PRR14L: variants seen among roughly 807,000 people sequenced by gnomAD.
PRR14L encodes the protein protein PRR14L.
A neutral mutation model predicts 155.0 loss-of-function variants in PRR14L; 80 were observed. The ratio of observed to expected loss-of-function variants is 0.52; its 90% CI spans 0.43 to 0.62. The LOEUF is 0.62. PRR14L is among the 20% of genes least tolerant of loss of function. The pLI is 0.00. For missense variants in PRR14L, 2,469 were observed against 2,548.0 expected, an observed-to-expected ratio of 0.97 and a Z score of 0.67; for synonymous variants, 883 against 916.0, an observed-to-expected ratio of 0.96 and a Z score of 0.65.
intron 4 of PRR14L, 114 bp downstream of exon 4, chr22:31,711,969 T>G (rs2074625518): frequency 1.0e-6 from 1 of 985,128 alleles, no homozygotes; most frequent in African/African-American, 1.6e-5. Context: ...AAATAGAAAA[T>G]GCAGACCCAA....
At chr22:31,719,611 T>C (rs115034531) in intron 3 of PRR14L, among the ~76,000 whole-genome samples, 2,270 of 152,236 alleles carry the variant, frequency 0.015, 57 homozygotes, top group African/African-American at 0.053. Flanking sequence ...TAAACAAATG[T>C]TATTAATACC....
Position 31,717,156 on chromosome 22 carries a change from C to T in PRR14L, c.683G>A (p.Cys228Tyr), listed in dbSNP as rs2074664934. 1 of 1,552,186 alleles carries T rather than the reference C, an allele frequency of 6.4e-7. No individual in the cohort carries two copies. The highest frequency in any genetic ancestry group is 1.4e-5 in the African/African-American group (1 of 73,044). The change falls in exon 4 of 9, where the codon TGC (cysteine) becomes TAC (tyrosine). Residue 228 changes from cysteine (C) to tyrosine (Y), a missense_variant. Cys to Tyr is a radical substitution (Grantham distance 194). Transcript: ENST00000327423. ...TTTGTCTACTTCTTGGAATTCACCG[C>T]ATCCAGCTGAGAGATCTTTACTCAC... ...GNVSKDLSAG[C>Y]GEFQEVDKIM...
Position 31,737,195 on chromosome 22 carries a change from G to T in PRR14L, c.474+1192C>A, listed in dbSNP as rs574464950. Among the ~76,000 whole-genome samples the T allele has an allele frequency of 2.6e-5, 4 of 152,124 alleles. No individual in the cohort carries two copies. In the East Asian group the frequency reaches 7.7e-4, roughly 29 times the overall value. On this transcript the variant is annotated intron_variant, in intron 2 of 8. Transcript: ENST00000327423. ...GTACATTCCTTTAAGAATTTGGAGG[G>T]CCCAGCAGGGTACGGTGGCTCACGC...
At chr22:31,688,375 C>T (rs2074493330) in intron 7 of PRR14L, 148 bp from the exon 8 acceptor site, 3 of 1,106,174 alleles carry the variant, frequency 2.7e-6, no homozygotes, top group Non-Finnish European at 2.4e-6. Context: ...CAGCCTCAGC[C>T]TCCTGAGTAG....
chr22:31,711,869 A>G (rs930983045), intron 4 of PRR14L, among the ~76,000 whole-genome samples: 1 of 152,048 alleles, frequency 6.6e-6, no homozygotes, highest in Non-Finnish European at 1.5e-5. Flanking sequence ...GAAATACAGA[A>G]GTAGGTTCTA....
intron 7 of PRR14L, among the ~76,000 whole-genome samples, chr22:31,699,943 A>C (rs930476982): frequency 6.6e-6 from 1 of 151,930 alleles, no homozygotes; most frequent in African/African-American, 2.4e-5. Context: ...TTAGGCAAAG[A>C]TTTATTAAAA....
chr22:31,733,146 C>T (rs1194250382), intron 2 of PRR14L, among the ~76,000 whole-genome samples: 6 of 151,882 alleles, frequency 4.0e-5, no homozygotes, highest in Admixed American at 6.6e-5. Flanking sequence ...CGCCACACGC[C>T]CGGCTAATTT....
At chr22:31,721,777 C>G (rs540841536) in intron 3 of PRR14L, among the ~76,000 whole-genome samples, 10 of 152,192 alleles carry the variant, frequency 6.6e-5, no homozygotes, top group African/African-American at 2.4e-4. Context: ...TCAAATTATA[C>G]GATGTATTAT....
intron 4 of PRR14L, among the ~76,000 whole-genome samples, chr22:31,707,157 AC>A (rs1262119772): frequency 6.6e-6 from 1 of 152,166 alleles, no homozygotes; most frequent in Non-Finnish European, 1.5e-5. Flanking sequence ...TACAAATACC[AC>A]CCCCTCTACC....
chr22:31,740,470 G>A (rs2074806912), intron 1 of PRR14L, among the ~76,000 whole-genome samples: 2 of 151,846 alleles, frequency 1.3e-5, no homozygotes, highest in Non-Finnish European at 2.9e-5. Flanking sequence ...TGTCCACCTC[G>A]GCCTTCCAAA....
In PRR14L at chr22:31,685,230, T is replaced by C. The variant is rs2074476496; in HGVS notation, c.*297A>G. 1 of 285,762 alleles carries C rather than the reference T, an allele frequency of 3.5e-6. No individual in the cohort carries two copies. Among genetic ancestry groups the C allele is most frequent in the Non-Finnish European group, 6.6e-6 (1 of 152,560 alleles). The allele number at this position is 285,762 out of a possible 1,614,324, so 17.7% of individuals were successfully genotyped here. Reference sequence around the variant, plus strand: ...GAAGATAGGCTGCTGCTTCCTCCTGTGGATGGCAGAGACTGAGGAGGTGGC... The same window carrying C: ...GAAGATAGGCTGCTGCTTCCTCCTGCGGATGGCAGAGACTGAGGAGGTGGC... On this transcript the variant is annotated 3_prime_UTR_variant, in exon 9 of 9. Coordinates refer to ENST00000327423, the MANE Select transcript of PRR14L (RefSeq NM_173566.3).
At position 31,745,572 on chromosome 22, in the gene PRR14L, G is replaced by A. The variant is rs931718944; in HGVS notation, c.-52+4421C>T. Among the ~76,000 whole-genome samples the A allele has an allele frequency of 5.3e-5, 8 of 152,086 alleles. No homozygotes were observed. The South Asian group carries it at 1.0e-3, about 20-fold the overall frequency. ...TAGAAATACATCTCTACAGCCGGGCGTGGTGGCTCATGCCTGTAATACCAG... is the reference window on the plus strand; with the variant it reads ...TAGAAATACATCTCTACAGCCGGGCATGGTGGCTCATGCCTGTAATACCAG... On this transcript the variant is annotated intron_variant, in intron 1 of 8. Coordinates refer to ENST00000327423, the MANE Select transcript of PRR14L (RefSeq NM_173566.3).
intron 2 of PRR14L, among the ~76,000 whole-genome samples, chr22:31,737,566 T>C (rs1041532550): frequency 1.3e-5 from 2 of 151,748 alleles, no homozygotes; most frequent in East Asian, 1.9e-4. Flanking sequence ...GGTGGGAAGA[T>C]TGCTTGAGCC....
chr22:31,691,981 C>A (rs894149024), intron 7 of PRR14L, among the ~76,000 whole-genome samples: 3 of 151,998 alleles, frequency 2.0e-5, no homozygotes, highest in African/African-American at 7.2e-5. Context: ...AATTCTCCTG[C>A]CTCAGCCTCC....
At chr22:31,722,555 C>T (rs1340493713) in intron 3 of PRR14L, among the ~76,000 whole-genome samples, 2 of 143,122 alleles carry the variant, frequency 1.4e-5, no homozygotes, top group Non-Finnish European at 3.0e-5. Context: ...CGGAGTCTTG[C>T]TCTGCTGCCC....
chr22:31,725,421 G>C (rs909534836), intron 3 of PRR14L, 117 bp downstream of exon 3: 1 of 688,306 alleles, frequency 1.5e-6, no homozygotes, highest in Admixed American at 2.4e-5. Context: ...CTATAGTTAA[G>C]TACACCTTAC....
In PRR14L at chr22:31,714,070, C is replaced by A. The variant is rs878993758; in HGVS notation, c.3769G>T (p.Asp1257Tyr). Residue 1257 changes from aspartate to tyrosine, a missense_variant, in exon 4 of 9, where the codon GAC becomes TAC. Asp to Tyr is a radical substitution (Grantham distance 160, BLOSUM62 -3). Coordinates refer to ENST00000327423, the MANE Select transcript of PRR14L (RefSeq NM_173566.3). ...SETNVNSEET[D>Y]LKNLCKPKDG... ...TTTGGTTTACAAAGATTTTTCAGGT[C>A]AGTTTCTTCACTGTTAACATTAGTT... 1 of 1,549,936 alleles carries A rather than the reference C, an allele frequency of 6.5e-7. No homozygotes were observed. Among genetic ancestry groups the A allele is most frequent in the South Asian group, 1.2e-5 (1 of 83,454 alleles).
rs1382710742 is a variant in PRR14L at position 31,683,421 on chromosome 22, T to A, written c.*2106A>T. The A allele has an allele frequency of 6.6e-6, 1 of 152,228 alleles. No individual in the cohort carries two copies. Among genetic ancestry groups the A allele is most frequent in the Non-Finnish European group, 1.5e-5 (1 of 68,056 alleles). The allele number at this position is 152,228 out of a possible 1,614,324, so 9.4% of individuals were successfully genotyped here. ...ATGCCTGGACAAGGGCAAAATGTAC[T>A]ACTCATCCCACTCCCTTAAGCAAAA... On this transcript the variant is annotated 3_prime_UTR_variant, in exon 9 of 9. Transcript: ENST00000327423.
In PRR14L at chr22:31,682,783, CTG is replaced by C. The variant is rs2074461311; in HGVS notation, c.*2742_*2743del. On this transcript the variant is annotated 3_prime_UTR_variant, in exon 9 of 9. Transcript: ENST00000327423. ...GGAGGGAAGTTCCCATACTCAGAAA[CTG>C]TACCAACTCCACCCCAGAACCAGAC... 1 of 152,058 alleles carries C rather than the reference CTG, an allele frequency of 6.6e-6. No homozygotes were observed. The highest frequency in any genetic ancestry group is 1.5e-5 in the Non-Finnish European group (1 of 68,014). The allele number at this position is 152,058 out of a possible 1,614,324, so 9.4% of individuals were successfully genotyped here. A position where few individuals can be genotyped will look rare whatever the true frequency, so the allele number is the denominator to read the frequency against.
Sources: allele counts gnomAD v4.1 joint callset (sites outside exome capture counted in the v4.1 genomes callset), GRCh38; gene constraint gnomAD v4.1.1; transcripts MANE v1.5; gene names NCBI Gene and HGNC (gene_info 2026-07-23, HGNC 2026-07-21).